Variants in PIEZO2 observed in about 807,000 individuals in gnomAD.
The protein encoded by PIEZO2 is piezo-type mechanosensitive ion channel component 2.
Under a neutral mutation model 337.3 loss-of-function variants are expected in PIEZO2, and 172 were observed. The observed-to-expected ratio is 0.51, with a 90% CI of 0.45 to 0.58. PIEZO2 has a LOEUF of 0.58. Among genes scored for constraint, PIEZO2 ranks in the 20% least tolerant of loss-of-function variants. The probability of loss-of-function intolerance (pLI) is 0.00; values close to 1 mark genes in which losing one functional copy is unlikely to be tolerated. For synonymous variants in PIEZO2, 1,251 were observed against 1,228.5 expected, an observed-to-expected ratio of 1.02 and a Z score of -0.38; for missense variants, 3,028 against 3,391.3, an observed-to-expected ratio of 0.89 and a Z score of 2.66.
Position 11,002,959 on chromosome 18 carries a change from A to C in PIEZO2, c.161-23299T>G, listed in dbSNP as rs1364756449. Among the ~76,000 whole-genome samples, 8 of 152,360 alleles carry C rather than the reference A, an allele frequency of 5.3e-5. No homozygotes were observed. The South Asian group carries it at 1.7e-3, about 32-fold the overall frequency. On this transcript the variant is annotated intron_variant, in intron 2 of 55. Transcript: ENST00000674853. This position sits in a 1 kb window ranked among gnomAD's most constrained non-coding sequence, Gnocchi z 4.3. ...TCAGTTGATTAACCAGTGCCACTCA[A>C]ACAGAGGAAGTGAGGCAAGAGGCGC... is the stretch of plus-strand genomic sequence containing the variant.
At position 11,040,399 on chromosome 18, in the gene PIEZO2, G is replaced by T. The variant is rs567873334; in HGVS notation, c.160+25728C>A. Among the ~76,000 whole-genome samples the T allele has an allele frequency of 1.9e-3, 282 of 152,220 alleles. 1 individual carries two copies. Among genetic ancestry groups the T allele is most frequent in the Middle Eastern group, 3.4e-3 (1 of 294 alleles). ...AAAATATCCAATAAAGGTTGAGGAG[G>T]TAATGACTAAATTGATCAGAACATA... On this transcript the variant is annotated intron_variant, in intron 2 of 55. Coordinates refer to ENST00000674853, the MANE Select transcript of PIEZO2 (RefSeq NM_001378183.1).
Position 10,895,264 on chromosome 18 carries a change from G to A in PIEZO2, c.329+15922C>T, listed in dbSNP as rs982759221. 6.6e-6 allele frequency among the ~76,000 whole-genome samples: 1 copy of A among 152,052 alleles called. No homozygotes were observed. Among genetic ancestry groups the A allele is most frequent in the African/African-American group, 2.4e-5 (1 of 41,396 alleles). On this transcript the variant is annotated intron_variant, in intron 4 of 55. Coordinates refer to ENST00000674853, the MANE Select transcript of PIEZO2 (RefSeq NM_001378183.1). This position sits in a 1 kb window ranked among gnomAD's most constrained non-coding sequence, Gnocchi z 4.8. The stretch of plus-strand genomic sequence containing the variant: ...AGATCGAGACCAGCCTGGCCAACAT[G>A]GTGAAACCCCATTTCTACTAAAAAT...
chr18:10,791,348 C>T (rs2039405218), intron 13 of PIEZO2, 24 bp from the exon 14 acceptor site: 1 of 1,471,388 alleles, frequency 6.8e-7, no homozygotes, highest in African/African-American at 1.4e-5. Flanking sequence ...AGCAGCAAAA[C>T]AAGAATTAAG....
Position 10,682,397 on chromosome 18 carries a change from T to C in PIEZO2, c.7498-105A>G, listed in dbSNP as rs1415963579. 1.1e-5 allele frequency: 11 copies of C among 1,024,946 alleles called. No individual in the cohort carries two copies. In the East Asian group the frequency reaches 2.4e-4, roughly 22 times the overall value. 63.5% of individuals were successfully genotyped at this position (1,024,946 alleles called of 1,614,324 possible). A position where few individuals can be genotyped will look rare whatever the true frequency, so the allele number is the denominator to read the frequency against. The stretch of plus-strand genomic sequence containing the variant: ...TGCTCTTCCTGTGGTGCTGGGAACA[T>C]GGATTTGGCCCTGAATCTTCTCTGT... On this transcript the variant is annotated intron_variant, in intron 49 of 55. Coordinates refer to ENST00000674853, the MANE Select transcript of PIEZO2 (RefSeq NM_001378183.1). The surrounding 1 kb of genome is among the most constrained non-coding windows in gnomAD (Gnocchi z 5.6).
At chr18:10,916,971 T>C (rs2031026464) in intron 3 of PIEZO2, among the ~76,000 whole-genome samples, 1 of 152,206 alleles carries the variant, frequency 6.6e-6, no homozygotes, top group Admixed American at 6.5e-5. Context: ...TGTCTGATGA[T>C]GAATTCTGGA....
chr18:10,929,135 C>T lies in PIEZO2; in HGVS notation c.287-17907G>A, dbSNP rs546174095. On this transcript the variant is annotated intron_variant, in intron 3 of 55. Coordinates refer to ENST00000674853, the MANE Select transcript of PIEZO2 (RefSeq NM_001378183.1). This position sits in a 1 kb window ranked among gnomAD's most constrained non-coding sequence, Gnocchi z 5.6. ...CCATGCATCAGTCTTTATGTAAACA[C>T]TCACAGCATTAACCACAGCTGCAAT... Among the ~76,000 whole-genome samples the T allele has an allele frequency of 3.6e-4, 55 of 152,332 alleles. No homozygotes were observed. The highest frequency in any genetic ancestry group is 2.9e-3 in the East Asian group (15 of 5,186).
chr18:10,686,921 G>C (rs2034568922), intron 49 of PIEZO2, among the ~76,000 whole-genome samples: 1 of 152,156 alleles, frequency 6.6e-6, no homozygotes, highest in Non-Finnish European at 1.5e-5. Flanking sequence ...GTGGAGGAGA[G>C]GAGACAAGCG....
chr18:11,017,644 T>A (rs956535352), intron 2 of PIEZO2, among the ~76,000 whole-genome samples: 20 of 152,158 alleles, frequency 1.3e-4, no homozygotes, highest in African/African-American at 4.8e-4. Context: ...GGTTCTTCTG[T>A]ATAAAAGAAA....
chr18:11,024,555 AAAAAAAAAG>A (rs935372194), intron 2 of PIEZO2, among the ~76,000 whole-genome samples: 10 of 150,670 alleles, frequency 6.6e-5, no homozygotes, highest in African/African-American at 2.4e-4. Context: ...CAGAAAAAAA[AAAAAAAAAG>A]AAAAAAGAAA....
intron 2 of PIEZO2, among the ~76,000 whole-genome samples, chr18:10,984,988 A>G (rs916913508): frequency 2.0e-5 from 3 of 152,108 alleles, no homozygotes; most frequent in Non-Finnish European, 4.4e-5. Context: ...ATACCTGTCA[A>G]AGCTGTTCTC....
chr18:10,906,568 T>C (rs1261533833), intron 4 of PIEZO2, among the ~76,000 whole-genome samples: 1 of 151,952 alleles, frequency 6.6e-6, no homozygotes, highest in Non-Finnish European at 1.5e-5. Flanking sequence ...ATAAGAACTT[T>C]TTTTTTTTTT....
At chr18:11,039,352 G>A (rs1390897906) in intron 2 of PIEZO2, among the ~76,000 whole-genome samples, 1 of 152,110 alleles carries the variant, frequency 6.6e-6, no homozygotes, top group African/African-American at 2.4e-5. Flanking sequence ...AGGCAGAAAG[G>A]GCGGAAAAAA....
At chr18:10,686,035 T>C (rs1398989829) in intron 49 of PIEZO2, among the ~76,000 whole-genome samples, 3 of 152,232 alleles carry the variant, frequency 2.0e-5, no homozygotes, top group Non-Finnish European at 4.4e-5. Context: ...TCTTCTGGCT[T>C]TTCCTTATCG....
Position 10,962,331 on chromosome 18 carries a change from G to A in PIEZO2, c.286+17204C>T, listed in dbSNP as rs111304779. On this transcript the variant is annotated intron_variant, in intron 3 of 55. Transcript: ENST00000674853. The surrounding 1 kb of genome is among the most constrained non-coding windows in gnomAD (Gnocchi z 4.1). ...CCTGCAGCTTTTCCTGGTCACTCAC[G>A]GCCCTCCCTCGGCTCCCCACAGCCT... Among the ~76,000 whole-genome samples, 2,824 of 152,136 alleles carry A rather than the reference G, an allele frequency of 0.019. 102 individuals are homozygous for A. The highest frequency in any genetic ancestry group is 0.064 in the African/African-American group (2,646 of 41,502).
chr18:10,852,874 A>T (rs2041595864), intron 7 of PIEZO2, among the ~76,000 whole-genome samples: 1 of 152,266 alleles, frequency 6.6e-6, no homozygotes, highest in Non-Finnish European at 1.5e-5. Context: ...GAACGTCAGG[A>T]GACCATAAGG....
In PIEZO2 at chr18:11,092,970, C is replaced by T. The variant is rs957042061; in HGVS notation, c.65-26748G>A. ...CAAACCATTCTCACTTACCCCAAAG[C>T]CTAACGAGCCCAAGAGCTTATAATA... On this transcript the variant is annotated intron_variant, in intron 1 of 55. Coordinates refer to ENST00000674853, the MANE Select transcript of PIEZO2 (RefSeq NM_001378183.1). The surrounding 1 kb of genome is among the most constrained non-coding windows in gnomAD (Gnocchi z 4.5). Among the ~76,000 whole-genome samples, 1 of 152,164 alleles carries T rather than the reference C, an allele frequency of 6.6e-6. No individual in the cohort carries two copies. Among genetic ancestry groups the T allele is most frequent in the East Asian group, 1.9e-4 (1 of 5,190 alleles).
chr18:10,806,217 G>A (rs534319949), intron 8 of PIEZO2, among the ~76,000 whole-genome samples: 1 of 152,288 alleles, frequency 6.6e-6, no homozygotes, highest in African/African-American at 2.4e-5. Flanking sequence ...GACTCAGGCT[G>A]GGCCATGCTC....
chr18:10,773,976 A>G lies in PIEZO2; in HGVS notation c.2567+30T>C. On this transcript the variant is annotated intron_variant, in intron 19 of 55. Coordinates refer to ENST00000674853, the MANE Select transcript of PIEZO2 (RefSeq NM_001378183.1). This position sits in a 1 kb window ranked among gnomAD's most constrained non-coding sequence, Gnocchi z 5.3. ...GCATGAAATGGCATCATGTAGAGCA[A>G]GCATTTCATGGCTTCACAGGGGGAC... is the stretch of plus-strand genomic sequence containing the variant. The G allele has an allele frequency of 1.4e-6, 1 of 703,050 alleles. No homozygotes were observed. Among genetic ancestry groups the G allele is most frequent in the South Asian group, 1.5e-5 (1 of 67,592 alleles). The allele number at this position is 703,050 out of a possible 1,614,324, so 43.6% of individuals were successfully genotyped here. A position where few individuals can be genotyped will look rare whatever the true frequency, so the allele number is the denominator to read the frequency against.
At chr18:10,879,007 G>C (rs1356032862) in intron 4 of PIEZO2, among the ~76,000 whole-genome samples, 1 of 152,232 alleles carries the variant, frequency 6.6e-6, no homozygotes, top group African/African-American at 2.4e-5. Context: ...CAAAGTCATG[G>C]CTGATGAGGT....
Sources: gnomAD v4.1 joint callset for allele counts (sites outside exome capture counted in the v4.1 genomes callset) on GRCh38, gnomAD v4.1.1 for gene constraint, Gnocchi (gnomAD v3.1) non-coding constraint, MANE v1.5 for transcripts, NCBI Gene and HGNC (gene_info 2026-07-23, HGNC 2026-07-21) for gene names.